CHRDL1: variants seen among roughly 807,000 people sequenced by gnomAD.
CHRDL1 encodes the protein chordin like 1.
Under a neutral mutation model 40.9 loss-of-function variants are expected in CHRDL1, and 19 were observed. The ratio of observed to expected loss-of-function variants is 0.46; its 90% CI spans 0.32 to 0.68. The LOEUF (loss-of-function observed/expected upper bound fraction) is 0.68. Among genes scored for constraint, CHRDL1 ranks in the 30% least tolerant of loss-of-function variants. The pLI is 0.03. For synonymous variants in CHRDL1, 136 were observed against 123.4 expected, an observed-to-expected ratio of 1.10 and a Z score of -0.68; for missense variants, 329 against 352.1, an observed-to-expected ratio of 0.93 and a Z score of 0.53.
chrX:110,698,094 G>A (rs1016871122), intron 7 of CHRDL1, among the ~76,000 whole-genome samples: 3 of 111,434 alleles, frequency 2.7e-5, no homozygotes, highest in African/African-American at 9.8e-5. Flanking sequence ...CAGAGGTTTT[G>A]CTGGTTCCCG....
intron 2 of CHRDL1, among the ~76,000 whole-genome samples, chrX:110,768,575 G>A (rs996077448): frequency 9.0e-6 from 1 of 111,114 alleles, no homozygotes; most frequent in Non-Finnish European, 1.9e-5. Flanking sequence ...GGTAGAAGAA[G>A]GTGGAAGAAG....
chrX:110,751,565 C>T (rs192415900), intron 4 of CHRDL1, among the ~76,000 whole-genome samples: 2 of 111,841 alleles, frequency 1.8e-5, no homozygotes, highest in East Asian at 5.6e-4. Context: ...ATCAAAGCCA[C>T]AATGAGGTAT....
chrX:110,692,224 A>G (rs1212825350), intron 8 of CHRDL1, among the ~76,000 whole-genome samples: 1 of 111,684 alleles, frequency 9.0e-6, no homozygotes, highest in East Asian at 2.8e-4. Context: ...TCTAGACTGG[A>G]TGAGACTCTG....
chrX:110,795,278 T>C (rs1340888633), intron 1 of CHRDL1, among the ~76,000 whole-genome samples: 2 of 111,316 alleles, frequency 1.8e-5, no homozygotes, highest in African/African-American at 6.6e-5. Flanking sequence ...ACCCCCGTAG[T>C]CAGGGACAAA....
intron 9 of CHRDL1, among the ~76,000 whole-genome samples, chrX:110,685,402 A>T (rs1189989780): frequency 9.0e-6 from 1 of 111,119 alleles, no homozygotes; most frequent in East Asian, 2.8e-4. Context: ...AGTTGGGACT[A>T]TGGGCACATG....
At chrX:110,689,719 CTATATATATCTATA>C (rs2070174836) in intron 8 of CHRDL1, among the ~76,000 whole-genome samples, 1 of 26,319 alleles carries the variant, frequency 3.8e-5, no homozygotes, top group South Asian at 1.1e-3. Flanking sequence ...ATATATATAT[CTATATATATCTATA>C]TATCTATATA....
At chrX:110,676,443 A>C in intron 11 of CHRDL1, 82 bp from the exon 12 acceptor site, 1 of 911,872 alleles carries the variant, frequency 1.1e-6, no homozygotes, top group Non-Finnish European at 1.5e-6. Flanking sequence ...AATATACCCC[A>C]TGCTTACCCA....
intron 4 of CHRDL1, among the ~76,000 whole-genome samples, chrX:110,742,852 G>T (rs1229339032): frequency 1.8e-5 from 2 of 111,437 alleles, no homozygotes; most frequent in Non-Finnish European, 3.8e-5. Context: ...TCTTTTCAAG[G>T]TATAACTTTC....
intron 2 of CHRDL1, among the ~76,000 whole-genome samples, chrX:110,783,365 T>G (rs1399618087): frequency 8.0e-5 from 9 of 112,229 alleles, no homozygotes. Context: ...TGAGCATGGT[T>G]GTCCAATATT....
intron 4 of CHRDL1, among the ~76,000 whole-genome samples, chrX:110,728,900 C>T (rs1202811778): frequency 1.8e-5 from 2 of 111,829 alleles, no homozygotes; most frequent in African/African-American, 6.5e-5. Context: ...CTTTGGGAGG[C>T]GACGGCAGTG....
chrX:110,717,813 T>C (rs1290771184), intron 6 of CHRDL1, among the ~76,000 whole-genome samples: 2 of 111,725 alleles, frequency 1.8e-5, no homozygotes, highest in African/African-American at 6.5e-5. Context: ...ATGGCAGTAA[T>C]GTATAGAAGT....
At chrX:110,680,156 A>C (rs5985302) in intron 10 of CHRDL1, among the ~76,000 whole-genome samples, 52,596 of 110,227 alleles carry the variant, frequency 0.48, 10,860 homozygotes, top group African/African-American at 0.77. Context: ...GATAACCCAG[A>C]ACTGTGAACA....
chrX:110,733,621 A>G (rs1444060296), intron 4 of CHRDL1, among the ~76,000 whole-genome samples: 1 of 111,820 alleles, frequency 8.9e-6, no homozygotes, highest in Non-Finnish European at 1.9e-5. Context: ...AGAACACAGC[A>G]TGCTGGCTGG....
intron 4 of CHRDL1, among the ~76,000 whole-genome samples, chrX:110,735,856 A>G (rs1381984927): frequency 8.9e-6 from 1 of 112,681 alleles, no homozygotes; most frequent in African/African-American, 3.2e-5. Context: ...TGGAAAAGAG[A>G]TAATGAGCTC....
intron 4 of CHRDL1, among the ~76,000 whole-genome samples, chrX:110,734,231 T>C (rs190327450): frequency 2.7e-5 from 3 of 111,699 alleles, no homozygotes; most frequent in African/African-American, 9.8e-5. Flanking sequence ...TCTATTGCCA[T>C]ACAAAGCAGG....
In CHRDL1 at chrX:110,674,484, C is replaced by G. The variant is rs1275157347; in HGVS notation, c.*1747G>C. ...ACACACACACACACACACACACACA[C>G]ACACACACACACACACACACAAACT... is the stretch of plus-strand genomic sequence containing the variant. On this transcript the variant is annotated 3_prime_UTR_variant, in exon 12 of 12. Transcript: ENST00000372042. 9 of 108,842 alleles carry G rather than the reference C, an allele frequency of 8.3e-5. No individual in the cohort carries two copies. In the East Asian group the frequency reaches 2.6e-3, roughly 31 times the overall value. The allele number at this position is 108,842 out of a possible 1,213,427, so 9.0% of individuals were successfully genotyped here. A position where few individuals can be genotyped will look rare whatever the true frequency, so the allele number is the denominator to read the frequency against.
At chrX:110,726,927 C>T (rs772933376) in intron 4 of CHRDL1, among the ~76,000 whole-genome samples, 11 of 112,027 alleles carry the variant, frequency 9.8e-5, no homozygotes, top group Non-Finnish European at 3.8e-5. Flanking sequence ...CTATACCTGG[C>T]ACTAATAGAT....
intron 6 of CHRDL1, among the ~76,000 whole-genome samples, chrX:110,703,546 TACAGCAGA>T (rs1374568928): frequency 8.9e-6 from 1 of 111,838 alleles, no homozygotes; most frequent in Non-Finnish European, 1.9e-5. Context: ...AGCCTGATAC[TACAGCAGA>T]AAGAGGAGAA....
intron 2 of CHRDL1, among the ~76,000 whole-genome samples, chrX:110,789,206 G>A (rs971113795): frequency 9.0e-6 from 1 of 111,655 alleles, no homozygotes; most frequent in Non-Finnish European, 1.9e-5. Flanking sequence ...TAATCGAAAA[G>A]ATGCTGCAGA....
Sources: allele counts gnomAD v4.1 joint callset (sites outside exome capture counted in the v4.1 genomes callset), GRCh38; gene constraint gnomAD v4.1.1; transcripts MANE v1.5; gene names NCBI Gene and HGNC (gene_info 2026-07-23, HGNC 2026-07-21).